ZZEF1: variants seen among roughly 807,000 people sequenced by gnomAD.
ZZEF1 encodes zinc finger ZZ-type and EF-hand domain-containing protein 1.
ZZEF1 carries 157 observed loss-of-function variants against 342.8 expected under a neutral mutation model. That is an observed-to-expected ratio of 0.46 (90% CI 0.40 to 0.52). The LOEUF (loss-of-function observed/expected upper bound fraction) is 0.52, where lower values mean the gene tolerates loss of function less well. Ranked by LOEUF, ZZEF1 falls within the 20% of genes least tolerant of loss-of-function variation. The pLI is 0.00. For synonymous variants in ZZEF1, 1,505 were observed against 1,429.1 expected (o/e 1.05, Z -1.20); for missense variants, 3,480 against 3,725.6 (o/e 0.93, Z 1.72).
chr17:4,114,030 T>C (rs1597911973), intron 4 of ZZEF1, among the ~76,000 whole-genome samples: 1 of 152,314 alleles, frequency 6.6e-6, no homozygotes, highest in East Asian at 1.9e-4. Flanking sequence ...TAAGTACTTA[T>C]TCTTTGTGGT....
At chr17:4,081,532 A>G (rs772015313) in intron 17 of ZZEF1, 42 bp from the exon 18 acceptor site, 8 of 1,490,670 alleles carry the variant, frequency 5.4e-6, no homozygotes, top group African/African-American at 1.4e-5. Flanking sequence ...GCTTCAGGAG[A>G]AAGATTTTTA....
chr17:4,091,140 G>C (rs1273407633), intron 11 of ZZEF1, among the ~76,000 whole-genome samples: 1 of 152,224 alleles, frequency 6.6e-6, no homozygotes, highest in Non-Finnish European at 1.5e-5. Context: ...TCAGGAGTAA[G>C]GTCCAATGCA....
chr17:4,059,333 A>G (rs1450427368), intron 30 of ZZEF1, 43 bp from the exon 31 acceptor site: 2 of 1,576,274 alleles, frequency 1.3e-6, no homozygotes, highest in Non-Finnish European at 1.7e-6. Context: ...TTGCCAGAAC[A>G]TCTTTTTCTT....
At chr17:4,137,688 T>C (rs1175791153) in intron 1 of ZZEF1, among the ~76,000 whole-genome samples, 1 of 152,202 alleles carries the variant, frequency 6.6e-6, no homozygotes, top group South Asian at 2.1e-4. Context: ...AGCCATCCCT[T>C]ACCAAAGACC....
intron 30 of ZZEF1, among the ~76,000 whole-genome samples, chr17:4,061,179 A>G (rs535150984): frequency 6.6e-6 from 1 of 152,318 alleles, no homozygotes; most frequent in African/African-American, 2.4e-5. Context: ...GAACTCTCAC[A>G]TTAGTATTTG....
At chr17:4,052,695 C>T (rs1032048399) in intron 34 of ZZEF1, among the ~76,000 whole-genome samples, 5 of 152,190 alleles carry the variant, frequency 3.3e-5, no homozygotes, top group African/African-American at 4.8e-5. Flanking sequence ...GGTGAAACCT[C>T]GTCTCTATTG....
intron 37 of ZZEF1, among the ~76,000 whole-genome samples, chr17:4,047,157 A>C (rs997146865): frequency 1.3e-5 from 2 of 152,194 alleles, no homozygotes; most frequent in African/African-American, 2.4e-5. Flanking sequence ...AAGAATAAAA[A>C]CAGTGCCCTG....
Position 4,064,453 on chromosome 17 carries a change from C to A in ZZEF1, c.4626G>T (p.Glu1542Asp). The change falls in exon 29 of 55, where the codon GAG becomes GAT. Residue 1542 changes from glutamate (E) to aspartate (D), a missense_variant. This residue lies in a region of ZZEF1 where 1,528 missense variants were observed against 1,624.1 expected (regional missense o/e 0.94). Coordinates refer to ENST00000381638, the MANE Select transcript of ZZEF1 (RefSeq NM_015113.4). ...RLRLLSFRSMEEARLVPTVKE... is the reference protein window; with the variant it reads ...RLRLLSFRSMDEARLVPTVKE... The stretch of plus-strand genomic sequence containing the variant: ...TCACTGTGGGCACCAGTCTGGCCTC[C>A]TCCATGGATCGAAAGGAGAGCAGCC... 6.2e-7 allele frequency: 1 copy of A among 1,614,186 alleles called. No individual in the cohort carries two copies. Among genetic ancestry groups the A allele is most frequent in the Admixed American group, 1.7e-5 (1 of 60,022 alleles).
Position 4,136,453 on chromosome 17 carries a change from G to A in ZZEF1, c.354+6089C>T, listed in dbSNP as rs1033670366. Among the ~76,000 whole-genome samples, 9 of 152,124 alleles carry A rather than the reference G, an allele frequency of 5.9e-5. No homozygotes were observed. The South Asian group carries it at 1.0e-3, about 18-fold the overall frequency. ...AACACTTATTGAGCACTGAGCAGGT[G>A]AGCTGGTTTTATGGGTGAGGCGACT... On this transcript the variant is annotated intron_variant, in intron 1 of 54. Coordinates refer to ENST00000381638, the MANE Select transcript of ZZEF1 (RefSeq NM_015113.4).
chr17:4,044,672 C>T (rs2032298008), intron 37 of ZZEF1, among the ~76,000 whole-genome samples: 1 of 151,934 alleles, frequency 6.6e-6, no homozygotes, highest in South Asian at 2.1e-4. Flanking sequence ...GTGCGTGCCA[C>T]CATGCCCAGC....
intron 5 of ZZEF1, 45 bp downstream of exon 5, chr17:4,112,564 C>G: frequency 3.8e-6 from 6 of 1,597,602 alleles, no homozygotes; most frequent in Non-Finnish European, 5.1e-6. Context: ...GTAAAAAATA[C>G]TACTCCCTTG....
intron 30 of ZZEF1, 116 bp from the exon 31 acceptor site, chr17:4,059,406 C>T (rs938105070): frequency 7.6e-7 from 1 of 1,311,868 alleles, no homozygotes; most frequent in Non-Finnish European, 1.0e-6. Context: ...CAAAGCGGCA[C>T]AGGAACTTAA....
chr17:4,076,623 C>T lies in ZZEF1; in HGVS notation c.3234+14G>A. ...GAGAGAACACGGGGCGGCTCAAGTGCTGACTCGAGTTACCTTCCTCAGTCC... is the reference window on the plus strand; with the variant it reads ...GAGAGAACACGGGGCGGCTCAAGTGTTGACTCGAGTTACCTTCCTCAGTCC... On this transcript the variant is annotated intron_variant, in intron 21 of 54. Coordinates refer to ENST00000381638, the MANE Select transcript of ZZEF1 (RefSeq NM_015113.4). The T allele has an allele frequency of 6.2e-7, 1 of 1,601,994 alleles. No homozygotes were observed.
intron 11 of ZZEF1, among the ~76,000 whole-genome samples, chr17:4,093,746 C>A (rs1405931776): frequency 6.6e-6 from 1 of 152,158 alleles, no homozygotes; most frequent in Non-Finnish European, 1.5e-5. Context: ...CACCAGCAAT[C>A]CACTACCCAT....
At chr17:4,105,363 T>G (rs79794925) in intron 7 of ZZEF1, among the ~76,000 whole-genome samples, 9,987 of 152,238 alleles carry the variant, frequency 0.066, 450 homozygotes, top group South Asian at 0.13. Context: ...TCAGGCTCCC[T>G]GGACCTGCAT....
intron 26 of ZZEF1, among the ~76,000 whole-genome samples, chr17:4,070,045 C>T (rs2057478620): frequency 6.6e-6 from 1 of 152,112 alleles, no homozygotes; most frequent in Non-Finnish European, 1.5e-5. Flanking sequence ...CCGTGTGGGT[C>T]CTGCTAGGCG....
chr17:4,077,875 A>T lies in ZZEF1; in HGVS notation c.2989+8T>A, dbSNP rs1417958041. The T allele has an allele frequency of 3.1e-6, 5 of 1,612,682 alleles. No homozygotes were observed. Among genetic ancestry groups the T allele is most frequent in the Non-Finnish European group, 3.4e-6 (4 of 1,179,404 alleles). ...ATCTGTTTTCATGGATTTTATATTG[A>T]AACTCACATTTTTCAATAAGGTCCA... On this transcript the variant is annotated splice_region_variant and intron_variant, in intron 19 of 54. Transcript: ENST00000381638.
rs2058317036 is a variant in ZZEF1 at position 4,112,068 on chromosome 17, A to ATG, written c.1066+540_1066+541insCA. On this transcript the variant is annotated intron_variant, in intron 5 of 54. Coordinates refer to ENST00000381638, the MANE Select transcript of ZZEF1 (RefSeq NM_015113.4). Reference sequence around the variant, plus strand: ...TATATATATATATATATATATATATATATATATATATATATATATATATAT... The same window carrying ATG: ...TATATATATATATATATATATATATATGTATATATATATATATATATATATAT... Among the ~76,000 whole-genome samples the ATG allele has an allele frequency of 1.7e-4, 8 of 47,702 alleles. 1 individual carries two copies. Among genetic ancestry groups the ATG allele is most frequent in the African/African-American group, 8.9e-4 (8 of 9,008 alleles). The allele number at this position is 47,702 out of a possible 152,430, so 31.3% of individuals were successfully genotyped here.
At chr17:4,061,777 A>G (rs544091626) in intron 30 of ZZEF1, among the ~76,000 whole-genome samples, 1 of 151,440 alleles carries the variant, frequency 6.6e-6, no homozygotes, top group Non-Finnish European at 1.5e-5. Flanking sequence ...CTACCTCTAA[A>G]ATGCATTCTG....
Sources: gnomAD v4.1 joint callset for allele counts (sites outside exome capture counted in the v4.1 genomes callset) on GRCh38, gnomAD v4.1.1 for gene constraint, gnomAD v4.1.1 regional missense constraint, MANE v1.5 for transcripts, NCBI Gene and HGNC (gene_info 2026-07-23, HGNC 2026-07-21) for gene names.